DNAH14: variants seen among roughly 807,000 people sequenced by gnomAD.
DNAH14 encodes dynein axonemal heavy chain 14, also known as axonemal beta dynein heavy chain 14.
Under a neutral mutation model 520.9 loss-of-function variants are expected in DNAH14, and 478 were observed. The observed-to-expected ratio is 0.92, with a 90% confidence interval of 0.85 to 0.99. The LOEUF (loss-of-function observed/expected upper bound fraction) is 0.99. Ranked by LOEUF, DNAH14 falls within the 50% of genes least tolerant of loss-of-function variation. The pLI is 0.00. For synonymous variants in DNAH14, 1,581 were observed against 1,757.2 expected, an observed-to-expected ratio of 0.90 and a Z score of 2.51; for missense variants, 4,831 against 5,234.5, an observed-to-expected ratio of 0.92 and a Z score of 2.38.
At chr1:225,325,633 T>A (rs1429023123) in intron 64 of DNAH14, among the ~76,000 whole-genome samples, 6 of 152,304 alleles carry the variant, frequency 3.9e-5, no homozygotes, top group Non-Finnish European at 7.4e-5. Flanking sequence ...AGAATTCATA[T>A]CCCTGTTACC....
intron 75 of DNAH14, 108 bp downstream of exon 75, chr1:225,360,999 G>C (rs2095486411): frequency 2.0e-6 from 2 of 1,017,178 alleles, no homozygotes; most frequent in South Asian, 3.3e-5. Flanking sequence ...AAAATAATGT[G>C]CTGAGCCACT....
intron 11 of DNAH14, among the ~76,000 whole-genome samples, chr1:225,030,513 T>C (rs2066446659): frequency 6.6e-6 from 1 of 152,012 alleles, no homozygotes; most frequent in Non-Finnish European, 1.5e-5. Flanking sequence ...TTTATACTTC[T>C]GGATATTATA....
At position 225,296,489 on chromosome 1, in the gene DNAH14, G is replaced by A. The variant is rs189924188; in HGVS notation, c.8470-4380G>A. 8.2e-5 allele frequency among the ~76,000 whole-genome samples: 12 copies of A among 146,012 alleles called. No individual in the cohort carries two copies. The East Asian group carries it at 1.2e-3, about 15-fold the overall frequency. On this transcript the variant is annotated intron_variant, in intron 55 of 85. Transcript: ENST00000682510. The stretch of plus-strand genomic sequence containing the variant: ...TTTTGTGTATCCTTCCTCTCTTATC[G>A]TTTATGTTTGTGGTGGGTGGTTTTT...
chr1:225,362,200 A>G (rs1316277726), intron 75 of DNAH14, among the ~76,000 whole-genome samples: 3 of 152,240 alleles, frequency 2.0e-5, no homozygotes, highest in Non-Finnish European at 2.9e-5. Flanking sequence ...AACATTCCTT[A>G]GAACAGAATT....
chr1:225,088,975 A>G (rs2074074975), intron 21 of DNAH14, among the ~76,000 whole-genome samples: 1 of 152,220 alleles, frequency 6.6e-6, no homozygotes. Context: ...CCTACAAGGA[A>G]TAGTCTTGAC....
In DNAH14 at chr1:225,381,460, G is replaced by T. The variant is rs1482184034; in HGVS notation, c.12958G>T (p.Val4320Phe). Residue 4320 changes from valine (V) to phenylalanine (F), a missense_variant, in exon 81 of 86, where the codon GTC becomes TTC. Val to Phe is a conservative substitution (Grantham distance 50, BLOSUM62 -1). Transcript: ENST00000682510. Reference sequence around the variant, plus strand: ...TAAACGATTTGATAAGTTATTATTTGTCATACATAAATCCTTAAAAGATCT... The same window carrying T: ...TAAACGATTTGATAAGTTATTATTTTTCATACATAAATCCTTAAAAGATCT... ...EIKRFDKLLF[V>F]IHKSLKDLQL... The T allele has an allele frequency of 2.6e-6, 4 of 1,550,330 alleles. No individual in the cohort carries two copies. The South Asian group carries it at 4.8e-5, about 19-fold the overall frequency.
intron 71 of DNAH14, among the ~76,000 whole-genome samples, chr1:225,347,521 G>C (rs1351240164): frequency 1.3e-5 from 2 of 152,128 alleles, no homozygotes; most frequent in African/African-American, 4.8e-5. Context: ...GCTTGTCTAG[G>C]GGCCTCCCAA....
intron 43 of DNAH14, among the ~76,000 whole-genome samples, chr1:225,244,807 G>C (rs2092180273): frequency 6.6e-6 from 1 of 152,056 alleles, no homozygotes; most frequent in Non-Finnish European, 1.5e-5. Flanking sequence ...ACAGCTCTTG[G>C]ATGGTTGATC....
intron 15 of DNAH14, among the ~76,000 whole-genome samples, chr1:225,048,722 T>C (rs1382066592): frequency 6.6e-6 from 1 of 152,138 alleles, no homozygotes; most frequent in Non-Finnish European, 1.5e-5. Flanking sequence ...TGGACAAATA[T>C]CTAGGGGTAG....
At chr1:225,181,529 T>G (rs1414774415) in intron 36 of DNAH14, among the ~76,000 whole-genome samples, 2 of 152,252 alleles carry the variant, frequency 1.3e-5, no homozygotes, top group Non-Finnish European at 2.9e-5. Context: ...TTCAAATTGA[T>G]GTGAAACCAA....
intron 54 of DNAH14, among the ~76,000 whole-genome samples, chr1:225,280,076 T>A (rs1008908850): frequency 5.3e-5 from 8 of 151,616 alleles, no homozygotes; most frequent in Non-Finnish European, 8.8e-5. Context: ...AACAGCAGAT[T>A]TAACATGGCA....
At position 225,167,843 on chromosome 1, in the gene DNAH14, G is replaced by A. The variant is rs115521411; in HGVS notation, c.5446-96G>A. The A allele has an allele frequency of 1.7e-4, 100 of 600,780 alleles. 1 individual carries two copies. Among genetic ancestry groups the A allele is most frequent in the African/African-American group, 1.1e-3 (54 of 51,006 alleles). The allele number at this position is 600,780 out of a possible 1,614,324, so 37.2% of individuals were successfully genotyped here. ...ATCAAGAATTACTATCTTAAAGAGC[G>A]GTAATTGGTACCTAGTTAAGAGAGA... On this transcript the variant is annotated intron_variant, in intron 35 of 85. Transcript: ENST00000682510.
rs147076607 is a variant in DNAH14 at position 225,180,742 on chromosome 1, T to C, written c.5536-4549T>C. On this transcript the variant is annotated intron_variant, in intron 36 of 85. Transcript: ENST00000682510. Reference sequence around the variant, plus strand: ...GTGACAAATATTCAAACTGTACCACTGTGTACTTTCAAATAGCCTGTCTTT... The same window carrying C: ...GTGACAAATATTCAAACTGTACCACCGTGTACTTTCAAATAGCCTGTCTTT... Among the ~76,000 whole-genome samples, 12 of 152,342 alleles carry C rather than the reference T, an allele frequency of 7.9e-5. No individual in the cohort carries two copies. In the East Asian group the frequency reaches 2.3e-3, roughly 29 times the overall value.
At chr1:225,049,776 A>ATCTC (rs1553408782) in intron 15 of DNAH14, among the ~76,000 whole-genome samples, 1 of 86,274 alleles carries the variant, frequency 1.2e-5, no homozygotes, top group Non-Finnish European at 2.0e-5. Context: ...CTATCTACCT[A>ATCTC]TCTATCTATC....
intron 66 of DNAH14, among the ~76,000 whole-genome samples, chr1:225,336,157 C>CAT (rs552593568): frequency 3.6e-4 from 53 of 149,142 alleles, no homozygotes; most frequent in African/African-American, 8.3e-4. Flanking sequence ...CAAGCAACCT[C>CAT]ATATATATAT....
intron 46 of DNAH14, among the ~76,000 whole-genome samples, chr1:225,262,372 T>C (rs1354975728): frequency 6.6e-6 from 1 of 152,116 alleles, no homozygotes; most frequent in Non-Finnish European, 1.5e-5. Context: ...TTATTTCAGT[T>C]TTTGTTGCAT....
intron 17 of DNAH14, among the ~76,000 whole-genome samples, chr1:225,074,564 G>C (rs915285259): frequency 1.3e-5 from 2 of 152,210 alleles, no homozygotes; most frequent in African/African-American, 2.4e-5. Flanking sequence ...CCCTTTGGGA[G>C]CTCTCTCCCA....
intron 27 of DNAH14, among the ~76,000 whole-genome samples, chr1:225,128,256 A>G (rs565010985): frequency 6.6e-6 from 1 of 152,066 alleles, no homozygotes; most frequent in East Asian, 1.9e-4. Context: ...GTTGGCCTGC[A>G]TTCCTTCTGA....
Position 225,364,799 on chromosome 1 carries a change from A to T in DNAH14, c.11995A>T (p.Ser3999Cys). The T allele has an allele frequency of 1.3e-6, 2 of 1,531,370 alleles. No individual in the cohort carries two copies. Among genetic ancestry groups the T allele is most frequent in the East Asian group, 4.9e-5 (2 of 40,616 alleles). The allele number at this position is 1,531,370 out of a possible 1,614,324, so 94.9% of individuals were successfully genotyped here. Residue 3999 changes from serine to cysteine, a missense_variant, in exon 76 of 86, where the codon AGT becomes TGT. Physicochemically the swap from Ser to Cys is moderately radical, Grantham distance 112. Transcript: ENST00000682510. ...RLCTIVESFN[S>C]PNVTIDPEFR... is the part of the protein sequence containing the mutation. ...AAATTTTTTATTTTGCAGTTTTAAT[A>T]GTCCAAACGTGACAATAGACCCTGA...
Sources: allele counts gnomAD v4.1 joint callset (sites outside exome capture counted in the v4.1 genomes callset), GRCh38; gene constraint gnomAD v4.1.1; transcripts MANE v1.5; gene names NCBI Gene and HGNC (gene_info 2026-07-23, HGNC 2026-07-21).